The following ROCK2 variants were observed in gnomAD, a reference collection of about 807,000 sequenced individuals.
The protein encoded by ROCK2 is rho-associated protein kinase 2.
In ROCK2, 61 loss-of-function variants were observed where a neutral mutation model predicts 195.1. The ratio of observed to expected loss-of-function variants is 0.31; its 90% CI spans 0.25 to 0.39. The LOEUF is 0.39. Among genes scored for constraint, ROCK2 ranks in the 10% least tolerant of loss-of-function variants. The pLI, the probability that ROCK2 is intolerant of heterozygous loss-of-function variation, is 1.00. For synonymous variants in ROCK2, 504 were observed against 545.5 expected (o/e 0.92, Z 1.06); for missense variants, 1,109 against 1,637.4 (o/e 0.68, Z 5.57).
chr2:11,343,544 T>G (rs1007349090), intron 1 of ROCK2, among the ~76,000 whole-genome samples: 1 of 151,738 alleles, frequency 6.6e-6, no homozygotes, highest in Non-Finnish European at 1.5e-5. Flanking sequence ...AAGGAGAGAG[T>G]GAGGGCGGCT....
intron 17 of ROCK2, 142 bp from the exon 18 acceptor site, chr2:11,211,982 T>G: frequency 1.8e-6 from 1 of 568,158 alleles, no homozygotes; most frequent in Non-Finnish European, 2.9e-6. Flanking sequence ...TATGGCTCAT[T>G]GCAGCCTCAA....
Position 11,216,118 on chromosome 2 carries a change from T to C in ROCK2, c.1461+40A>G, listed in dbSNP as rs773792021. 9.0e-6 allele frequency: 14 copies of C among 1,549,754 alleles called. No homozygotes were observed. The East Asian group carries it at 2.5e-4, about 27-fold the overall frequency. On this transcript the variant is annotated intron_variant, in intron 13 of 32. Transcript: ENST00000315872. ...AGGTAAGTCAGACATCAAAGATTTT[T>C]ACTAACAAAAATGTTAATAAAAAAG...
chr2:11,340,722 A>T (rs567131921), intron 1 of ROCK2, among the ~76,000 whole-genome samples: 3 of 152,310 alleles, frequency 2.0e-5, no homozygotes, highest in African/African-American at 7.2e-5. Context: ...CACTGAGATA[A>T]TATTGTCAGA....
intron 4 of ROCK2, among the ~76,000 whole-genome samples, chr2:11,247,848 C>T (rs940008484): frequency 2.0e-5 from 3 of 151,872 alleles, no homozygotes; most frequent in Admixed American, 6.6e-5. Flanking sequence ...GGTGAGACCC[C>T]GTCTCTCTAC....
chr2:11,212,549 C>G (rs1664286964), intron 17 of ROCK2, among the ~76,000 whole-genome samples: 1 of 152,060 alleles, frequency 6.6e-6, no homozygotes, highest in Admixed American at 6.6e-5. Context: ...GCTCCTGAAG[C>G]TTTCCCAGCT....
chr2:11,312,923 A>G (rs1668080403), intron 1 of ROCK2, among the ~76,000 whole-genome samples: 1 of 152,120 alleles, frequency 6.6e-6, no homozygotes, highest in African/African-American at 2.4e-5. Context: ...GAAAAGGCAA[A>G]ACTAGAGATA....
chr2:11,255,650 T>C (rs1310283352), intron 3 of ROCK2, among the ~76,000 whole-genome samples: 1 of 150,992 alleles, frequency 6.6e-6, no homozygotes, highest in Admixed American at 6.6e-5. Context: ...CCGGGTGCAG[T>C]GGCTCACACC....
intron 4 of ROCK2, among the ~76,000 whole-genome samples, chr2:11,246,281 A>G (rs1481326701): frequency 6.6e-6 from 1 of 152,234 alleles, no homozygotes; most frequent in East Asian, 1.9e-4. Context: ...CTACACCACA[A>G]GAAGAGATCA....
At chr2:11,262,740 AGTCTCGG>A (rs1037222120) in intron 3 of ROCK2, among the ~76,000 whole-genome samples, 1 of 152,142 alleles carries the variant, frequency 6.6e-6, no homozygotes, top group Non-Finnish European at 1.5e-5. Context: ...TAAATTGCCC[AGTCTCGG>A]GTATGTCTTT....
Position 11,202,135 on chromosome 2 carries a change from G to C in ROCK2, c.2550-14C>G, listed in dbSNP as rs1663874832. 6.2e-7 allele frequency: 1 copy of C among 1,603,898 alleles called. No individual in the cohort carries two copies. Among genetic ancestry groups the C allele is most frequent in the Non-Finnish European group, 8.5e-7 (1 of 1,171,244 alleles). On this transcript the variant is annotated splice_polypyrimidine_tract_variant and intron_variant, in intron 20 of 32. Transcript: ENST00000315872. Reference sequence around the variant, plus strand: ...TCCTGACGTTCTCTGTGAGGACAATGAATCAAAGGTTTAAATAACTTACAC... The same window carrying C: ...TCCTGACGTTCTCTGTGAGGACAATCAATCAAAGGTTTAAATAACTTACAC...
intron 1 of ROCK2, among the ~76,000 whole-genome samples, chr2:11,313,323 C>G (rs1668093845): frequency 2.0e-5 from 3 of 152,000 alleles, no homozygotes; most frequent in Admixed American, 6.6e-5. Flanking sequence ...TTAAAACTAA[C>G]AAGAAAGACT....
At chr2:11,330,161 T>C (rs1168414945) in intron 1 of ROCK2, among the ~76,000 whole-genome samples, 1 of 152,214 alleles carries the variant, frequency 6.6e-6, no homozygotes, top group East Asian at 1.9e-4. Context: ...CAGAAATATA[T>C]TCAGTCAGTG....
chr2:11,345,115 G>A (rs185966342), upstream of ROCK2, among the ~76,000 whole-genome samples: 29 of 152,294 alleles, frequency 1.9e-4, no homozygotes, highest in African/African-American at 6.5e-4. Context: ...ACCGAGCTCG[G>A]CGCCCGCGAG....
intron 3 of ROCK2, among the ~76,000 whole-genome samples, chr2:11,265,176 A>C (rs1319846338): frequency 6.6e-6 from 1 of 151,318 alleles, no homozygotes; most frequent in Non-Finnish European, 1.5e-5. Context: ...CTGCTAAAAG[A>C]GTGTATGCTA....
intron 3 of ROCK2, among the ~76,000 whole-genome samples, chr2:11,281,203 T>C (rs1274095221): frequency 8.1e-6 from 1 of 123,406 alleles, no homozygotes; most frequent in African/African-American, 3.2e-5. Context: ...CACCCACTCA[T>C]TATTTAAAAA....
chr2:11,222,439 G>A (rs1365388728), intron 7 of ROCK2, among the ~76,000 whole-genome samples: 8 of 152,086 alleles, frequency 5.3e-5, no homozygotes, highest in African/African-American at 1.4e-4. Flanking sequence ...ATGAAAGTAC[G>A]TTAAGACTAT....
chr2:11,215,462 A>G, intron 14 of ROCK2, 48 bp downstream of exon 14: 1 of 1,607,132 alleles, frequency 6.2e-7, no homozygotes, highest in Non-Finnish European at 8.5e-7. Context: ...ACACATACAC[A>G]CACTTAATTT....
chr2:11,286,249 T>TTTTTTTTTTTTTTGAG (rs1482990918), intron 3 of ROCK2, among the ~76,000 whole-genome samples: 2 of 144,312 alleles, frequency 1.4e-5, no homozygotes, highest in African/African-American at 2.5e-5. Flanking sequence ...CAGATGTTTT[T>TTTTTTTTTTTTTTGAG]AATCTGAACA....
chr2:11,259,846 G>T (rs1666163152), intron 3 of ROCK2, among the ~76,000 whole-genome samples: 1 of 151,332 alleles, frequency 6.6e-6, no homozygotes. Flanking sequence ...AGTAAGTAAT[G>T]ACAAGAATCA....
Sources: allele counts gnomAD v4.1 joint callset (sites outside exome capture counted in the v4.1 genomes callset), GRCh38; gene constraint gnomAD v4.1.1; transcripts MANE v1.5; gene names NCBI Gene and HGNC (gene_info 2026-07-23, HGNC 2026-07-21).